Variants in NEBL observed in about 807,000 individuals in gnomAD.
The protein encoded by NEBL is LIM and SH3 protein 2.
NEBL carries 122 observed loss-of-function variants against 140.2 expected under a neutral mutation model. The observed-to-expected ratio is 0.87, with a 90% CI of 0.75 to 1.01. NEBL has a LOEUF of 1.01. Ranked by LOEUF, NEBL falls within the 50% of genes least tolerant of loss-of-function variation. The probability of loss-of-function intolerance (pLI) is 0.00; values close to 1 mark genes in which losing one functional copy is unlikely to be tolerated. For missense variants in NEBL, 1,365 were observed against 1,231.3 expected, an observed-to-expected ratio of 1.11 and a Z score of -1.62; for synonymous variants, 436 against 398.9, an observed-to-expected ratio of 1.09 and a Z score of -1.11.
At chr10:21,277,841 A>T (rs927558077) in intron 1 of NEBL, among the ~76,000 whole-genome samples, 1 of 151,864 alleles carries the variant, frequency 6.6e-6, no homozygotes, top group African/African-American at 2.4e-5. Context: ...TTTTTAAGAG[A>T]CAAGGTGTCT....
At chr10:21,126,165 C>T in intron 2 of NEBL, 1 of 1,569,148 alleles carries the variant, frequency 6.4e-7, no homozygotes. Context: ...AAGCCTGGTA[C>T]CCCCCATAGA....
intron 3 of NEBL, among the ~76,000 whole-genome samples, chr10:21,006,614 G>A (rs1210859379): frequency 6.6e-6 from 1 of 152,132 alleles, no homozygotes; most frequent in Non-Finnish European, 1.5e-5. Context: ...CTGAACTTCT[G>A]CATTTATATT....
At chr10:20,886,879 T>C (rs571479733) in intron 4 of NEBL, among the ~76,000 whole-genome samples, 6 of 152,308 alleles carry the variant, frequency 3.9e-5, no homozygotes, top group African/African-American at 1.2e-4. Context: ...AAAGGAAGCA[T>C]ATCCTTAGAA....
intron 18 of NEBL, among the ~76,000 whole-genome samples, chr10:20,825,436 C>T (rs900869921): frequency 2.0e-5 from 3 of 152,064 alleles, no homozygotes; most frequent in Non-Finnish European, 4.4e-5. Flanking sequence ...GCGGGAGGAT[C>T]ACTTGAGGTC....
chr10:21,028,245 A>G (rs377490414), intron 2 of NEBL, among the ~76,000 whole-genome samples: 1 of 32,262 alleles, frequency 3.1e-5, no homozygotes, highest in East Asian at 1.9e-3. Context: ...CAAAAAAAAA[A>G]AAAAAAAAAA....
chr10:21,286,263 G>A (rs753780996), intron 1 of NEBL, among the ~76,000 whole-genome samples: 6 of 152,294 alleles, frequency 3.9e-5, no homozygotes, highest in South Asian at 2.1e-4. Flanking sequence ...GAAAATACTT[G>A]CCATTTCAGG....
intron 2 of NEBL, among the ~76,000 whole-genome samples, chr10:21,043,230 A>G (rs1834348318): frequency 6.6e-6 from 1 of 152,182 alleles, no homozygotes; most frequent in African/African-American, 2.4e-5. Context: ...CATCCAACAG[A>G]TGGTGGAGCC....
At chr10:21,234,272 T>G (rs1479050922) in intron 3 of NEBL, among the ~76,000 whole-genome samples, 1 of 151,966 alleles carries the variant, frequency 6.6e-6, no homozygotes, top group Non-Finnish European at 1.5e-5. Flanking sequence ...TGGGGTCTGG[T>G]GGGAGGAATT....
At chr10:20,847,776 C>T (rs190012344) in intron 11 of NEBL, among the ~76,000 whole-genome samples, 3 of 152,290 alleles carry the variant, frequency 2.0e-5, no homozygotes, top group African/African-American at 7.2e-5. Context: ...ACTGTCTTAA[C>T]CCATTTCCGT....
intron 4 of NEBL, among the ~76,000 whole-genome samples, chr10:20,911,917 C>A (rs1289978482): frequency 6.6e-6 from 1 of 152,168 alleles, no homozygotes; most frequent in African/African-American, 2.4e-5. Context: ...TTTATCATAG[C>A]ATTCAGTCTG....
chr10:20,978,012 G>A (rs1414053813), intron 3 of NEBL, among the ~76,000 whole-genome samples: 1 of 152,180 alleles, frequency 6.6e-6, no homozygotes, highest in Non-Finnish European at 1.5e-5. Flanking sequence ...CTTAAAATGT[G>A]GTATGAAACA....
chr10:20,882,936 C>G (rs931167190), intron 4 of NEBL, among the ~76,000 whole-genome samples: 1 of 152,124 alleles, frequency 6.6e-6, no homozygotes, highest in African/African-American at 2.4e-5. Flanking sequence ...TCTATGTGGC[C>G]TTATGAAAAG....
chr10:20,947,076 G>A (rs1021392470), intron 4 of NEBL, among the ~76,000 whole-genome samples: 9 of 152,236 alleles, frequency 5.9e-5, no homozygotes, highest in African/African-American at 1.9e-4. Context: ...GATATCTGAA[G>A]GATTTACAGT....
chr10:21,092,930 T>C lies in NEBL; in HGVS notation c.165-72729A>G, dbSNP rs867531875. On this transcript the variant is annotated intron_variant, in intron 2 of 6. Transcript: ENST00000417816. The stretch of plus-strand genomic sequence containing the variant: ...AAATTATATTACTCTAAAGTCTTTC[T>C]GGAACTTTCAGTAGCTAGCCCATAT... 3.5e-4 allele frequency among the ~76,000 whole-genome samples: 53 copies of C among 152,244 alleles called. No homozygotes were observed. The Middle Eastern group carries it at 0.014, about 39-fold the overall frequency.
At chr10:21,167,864 T>G (rs1045876306) in intron 2 of NEBL, among the ~76,000 whole-genome samples, 38 of 152,192 alleles carry the variant, frequency 2.5e-4, no homozygotes, top group African/African-American at 8.9e-4. Context: ...GCAAGTTCCA[T>G]GGTGAAAAAA....
chr10:20,858,137 G>T, intron 9 of NEBL, 103 bp downstream of exon 9: 1 of 864,780 alleles, frequency 1.2e-6, no homozygotes, highest in East Asian at 2.5e-5. Context: ...GAGGAGTGAG[G>T]CACAGGCCTT....
chr10:21,290,475 C>T (rs2132306517), intron 1 of NEBL, among the ~76,000 whole-genome samples: 1 of 152,216 alleles, frequency 6.6e-6, no homozygotes, highest in Admixed American at 6.5e-5. Context: ...AGGAAAACTT[C>T]TTCCAAAAAA....
intron 4 of NEBL, among the ~76,000 whole-genome samples, chr10:20,884,044 A>G (rs1274018943): frequency 6.6e-6 from 1 of 152,152 alleles, no homozygotes; most frequent in Non-Finnish European, 1.5e-5. Flanking sequence ...TTTTCTTCAT[A>G]CTTTGAGAAC....
intron 4 of NEBL, among the ~76,000 whole-genome samples, chr10:20,932,161 C>T (rs895898890): frequency 6.6e-6 from 1 of 152,144 alleles, no homozygotes; most frequent in Non-Finnish European, 1.5e-5. Flanking sequence ...TAGTCCAAAC[C>T]ACCATATCGT....
Sources: allele counts gnomAD v4.1 joint callset (sites outside exome capture counted in the v4.1 genomes callset), GRCh38; gene constraint gnomAD v4.1.1; transcripts MANE v1.5; gene names NCBI Gene and HGNC (gene_info 2026-07-23, HGNC 2026-07-21).